Variants in NCKAP5 observed in about 807,000 individuals in gnomAD.
NCKAP5 encodes nck-associated protein 5.
In NCKAP5, 92 loss-of-function variants were observed where a neutral mutation model predicts 167.0. That is an observed-to-expected ratio of 0.55 (90% CI 0.47 to 0.66). The LOEUF (loss-of-function observed/expected upper bound fraction) is 0.66. NCKAP5 is among the 30% of genes least tolerant of loss of function. NCKAP5 has a pLI of 0.00. For synonymous variants in NCKAP5, 891 were observed against 877.4 expected (o/e 1.02, Z -0.27); for missense variants, 2,378 against 2,315.0 (o/e 1.03, Z -0.56).
At chr2:132,807,503 T>A (rs1018842947) in intron 11 of NCKAP5, among the ~76,000 whole-genome samples, 2 of 152,178 alleles carry the variant, frequency 1.3e-5, no homozygotes, top group African/African-American at 4.8e-5. Flanking sequence ...CCTAAGTATT[T>A]AATTTTTTTG....
intron 11 of NCKAP5, among the ~76,000 whole-genome samples, chr2:132,835,378 C>G (rs1310848228): frequency 2.0e-5 from 3 of 152,092 alleles, no homozygotes; most frequent in African/African-American, 7.2e-5. Flanking sequence ...TTGATCTTTG[C>G]CCTCTCAGCG....
chr2:133,612,977 C>T, the NCKAP5 span, among the ~76,000 whole-genome samples: 1 of 152,160 alleles, frequency 6.6e-6, no homozygotes, highest in South Asian at 2.1e-4. Context: ...AGGAAACTTA[C>T]AGCACTAATA....
intron 6 of NCKAP5, among the ~76,000 whole-genome samples, chr2:133,126,656 T>TGATA (rs1360256374): frequency 6.6e-6 from 1 of 152,230 alleles, no homozygotes; most frequent in Non-Finnish European, 1.5e-5. Context: ...GTGTTCTATG[T>TGATA]GATACATTCT....
intron 3 of NCKAP5, among the ~76,000 whole-genome samples, chr2:133,442,184 A>G (rs922310517): frequency 6.6e-6 from 1 of 152,192 alleles, no homozygotes; most frequent in Non-Finnish European, 1.5e-5. Context: ...AGTGGTTATA[A>G]GAGTCAGGTA....
intron 6 of NCKAP5, among the ~76,000 whole-genome samples, chr2:133,105,697 T>C (rs1044765960): frequency 3.9e-5 from 6 of 152,322 alleles, no homozygotes; most frequent in South Asian, 4.1e-4. Flanking sequence ...GTTTCAATGA[T>C]TGAATTCAGT....
At chr2:133,379,132 G>T (rs977255732) in intron 3 of NCKAP5, among the ~76,000 whole-genome samples, 12 of 152,072 alleles carry the variant, frequency 7.9e-5, no homozygotes, top group African/African-American at 2.9e-4. Flanking sequence ...GCAAAACAGG[G>T]TTTACATATA....
chr2:133,546,140 C>T (rs979230469), intron 2 of NCKAP5, among the ~76,000 whole-genome samples: 1 of 149,326 alleles, frequency 6.7e-6, no homozygotes, highest in Non-Finnish European at 1.5e-5. Flanking sequence ...AGACTCAGAA[C>T]ACATCTTAAC....
At chr2:132,971,158 G>A (rs79920550) in intron 7 of NCKAP5, among the ~76,000 whole-genome samples, 1,960 of 152,294 alleles carry the variant, frequency 0.013, 38 homozygotes, top group African/African-American at 0.045. Context: ...TAATCAAAAT[G>A]TCAGGAGCAA....
chr2:132,858,767 G>A (rs1689659782), intron 11 of NCKAP5, among the ~76,000 whole-genome samples: 1 of 152,184 alleles, frequency 6.6e-6, no homozygotes, highest in Non-Finnish European at 1.5e-5. Flanking sequence ...GATGTCTATT[G>A]TTAGCATACA....
intron 5 of NCKAP5, among the ~76,000 whole-genome samples, chr2:133,168,547 G>A (rs113857772): frequency 3.4e-4 from 51 of 152,006 alleles, no homozygotes; most frequent in African/African-American, 1.1e-3. Flanking sequence ...GCTCCCTTCC[G>A]CTTTGCCTGC....
chr2:132,987,621 G>A (rs938414919), intron 7 of NCKAP5, among the ~76,000 whole-genome samples: 1 of 152,152 alleles, frequency 6.6e-6, no homozygotes, highest in Non-Finnish European at 1.5e-5. Context: ...TCTTTGGAAA[G>A]AATAGAGCTG....
chr2:133,237,344 G>A (rs976195225), intron 4 of NCKAP5, among the ~76,000 whole-genome samples: 2 of 152,024 alleles, frequency 1.3e-5, no homozygotes. Context: ...ACCTAGACAA[G>A]TATTTCTTTG....
At chr2:132,757,778 T>C (rs988520222) in intron 16 of NCKAP5, among the ~76,000 whole-genome samples, 2 of 152,214 alleles carry the variant, frequency 1.3e-5, no homozygotes, top group Admixed American at 6.5e-5. Context: ...GGAAACAGCT[T>C]GTTGAAATCC....
intron 11 of NCKAP5, among the ~76,000 whole-genome samples, chr2:132,830,604 T>C (rs191553203): frequency 3.9e-5 from 6 of 152,238 alleles, no homozygotes; most frequent in Admixed American, 3.9e-4. Flanking sequence ...GTTCTTCCCA[T>C]CTATTGCATA....
intron 3 of NCKAP5, among the ~76,000 whole-genome samples, chr2:133,312,597 G>A (rs1301012341): frequency 3.3e-5 from 5 of 152,164 alleles, no homozygotes; most frequent in African/African-American, 4.8e-5. Flanking sequence ...GGCCAGAAAC[G>A]GTGAAGCCTT....
intron 3 of NCKAP5, chr2:133,381,412 C>T (rs1686511885): frequency 6.6e-6 from 1 of 152,226 alleles, no homozygotes; most frequent in Non-Finnish European, 1.5e-5. Flanking sequence ...ATAAATGAAA[C>T]ATGAGTGATT....
intron 19 of NCKAP5, among the ~76,000 whole-genome samples, chr2:132,707,324 C>T (rs1688455374): frequency 1.3e-5 from 2 of 152,254 alleles, no homozygotes; most frequent in African/African-American, 4.8e-5. Context: ...TTAGACCGGC[C>T]TTAGCCAGAG....
At chr2:132,824,632 G>A (rs985197128) in intron 11 of NCKAP5, among the ~76,000 whole-genome samples, 2 of 152,186 alleles carry the variant, frequency 1.3e-5, no homozygotes, top group Non-Finnish European at 2.9e-5. Context: ...CTTTCCTTTT[G>A]GGAGTATGTT....
At chr2:133,585,460 T>C in the NCKAP5 span, among the ~76,000 whole-genome samples, 1 of 152,228 alleles carries the variant, frequency 6.6e-6, no homozygotes, top group Non-Finnish European at 1.5e-5. Flanking sequence ...CTACCTCTGA[T>C]AGCTTAAGTA....
Sources: gnomAD v4.1 joint callset for allele counts (sites outside exome capture counted in the v4.1 genomes callset) on GRCh38, gnomAD v4.1.1 for gene constraint, MANE v1.5 for transcripts, NCBI Gene and HGNC (gene_info 2026-07-23, HGNC 2026-07-21) for gene names.